The following EGFR variants were observed in gnomAD, a reference collection of about 807,000 sequenced individuals.
EGFR encodes the protein epidermal growth factor receptor.
EGFR carries 58 observed loss-of-function variants against 143.0 expected under a neutral mutation model. The ratio of observed to expected loss-of-function variants is 0.41; its 90% CI spans 0.33 to 0.50. The LOEUF is 0.50. EGFR is among the 20% of genes least tolerant of loss of function. The pLI, the probability that EGFR is intolerant of heterozygous loss-of-function variation, is 0.39. For synonymous variants in EGFR, 613 were observed against 594.4 expected (o/e 1.03, Z -0.45); for missense variants, 1,307 against 1,579.0 (o/e 0.83, Z 2.92).
intron 1 of EGFR, among the ~76,000 whole-genome samples, chr7:55,099,252 C>G (rs1791661523): frequency 6.6e-6 from 1 of 152,204 alleles, no homozygotes; most frequent in Non-Finnish European, 1.5e-5. Context: ...ACATCTCACT[C>G]AATTACACAG....
At chr7:55,139,067 C>T (rs1006708412) in intron 1 of EGFR, among the ~76,000 whole-genome samples, 2 of 152,212 alleles carry the variant, frequency 1.3e-5, no homozygotes, top group African/African-American at 4.8e-5. Flanking sequence ...TATAATACCT[C>T]TTAAAGTTTC....
At position 55,174,287 on chromosome 7, in the gene EGFR, A is replaced by T. The variant is rs1004986034; in HGVS notation, c.2184+244A>T. ...GGCATTTTTATGAAAGGGGCCATTG[A>T]CCTTGCCATGGGGTGCAGCACAGGG... is the stretch of plus-strand genomic sequence containing the variant. On this transcript the variant is annotated intron_variant, in intron 18 of 27. Coordinates refer to ENST00000275493, the MANE Select transcript of EGFR (RefSeq NM_005228.5). Among the ~76,000 whole-genome samples the T allele has an allele frequency of 2.0e-5, 3 of 152,206 alleles. No individual in the cohort carries two copies. In the East Asian group the frequency reaches 5.8e-4, roughly 29 times the overall value.
At chr7:55,152,207 T>G in intron 5 of EGFR, 2 of 451,394 alleles carry the variant, frequency 4.4e-6, no homozygotes, top group East Asian at 5.9e-5. Flanking sequence ...TTAAGCTGAA[T>G]TGTGGGGGGG....
intron 1 of EGFR, among the ~76,000 whole-genome samples, chr7:55,066,894 C>T (rs1789538307): frequency 6.6e-6 from 1 of 152,190 alleles, no homozygotes; most frequent in South Asian, 2.1e-4. Context: ...ATAGATATTC[C>T]AAAACGTAAA....
At chr7:55,143,107 G>A (rs773816032) in intron 2 of EGFR, among the ~76,000 whole-genome samples, 198 bp from the exon 3 acceptor site, 11 of 152,308 alleles carry the variant, frequency 7.2e-5, no homozygotes, top group Non-Finnish European at 1.0e-4. Context: ...AAAGGCTAAC[G>A]TGCAGGGATT....
chr7:55,035,511 A>G (rs755401585), intron 1 of EGFR, among the ~76,000 whole-genome samples: 1 of 40,574 alleles, frequency 2.5e-5, no homozygotes, highest in Non-Finnish European at 4.4e-5. Context: ...CGTCTTCACT[A>G]AAAAAAAAAA....
Position 55,143,432 on chromosome 7 carries a change from C to T in EGFR, c.368C>T (p.Ser123Phe), listed in dbSNP as rs1229095978. ...AATTCCTATGCCTTAGCAGTCTTATCTAACTATGATGCAAATAAAACCGGA... is the reference window on the plus strand; with the variant it reads ...AATTCCTATGCCTTAGCAGTCTTATTTAACTATGATGCAAATAAAACCGGA... ...YENSYALAVL[S>F]NYDANKTGLK... The change falls in exon 3 of 28, where the codon TCT (serine) becomes TTT (phenylalanine). Residue 123 changes from serine (S) to phenylalanine (F), a missense_variant. Physicochemically the swap from Ser to Phe is radical, Grantham distance 155 (BLOSUM62 -2). Transcript: ENST00000275493. 4.3e-6 allele frequency: 7 copies of T among 1,614,104 alleles called. No individual in the cohort carries two copies. The highest frequency in any genetic ancestry group is 5.9e-6 in the Non-Finnish European group (7 of 1,180,048).
chr7:55,133,901 A>G (rs748103768), intron 1 of EGFR, among the ~76,000 whole-genome samples: 9 of 152,186 alleles, frequency 5.9e-5, no homozygotes, highest in African/African-American at 1.9e-4. Context: ...TTCAGTTCAA[A>G]AGTATGCCTG....
At chr7:55,105,934 G>C (rs1458266213) in intron 1 of EGFR, among the ~76,000 whole-genome samples, 1 of 152,202 alleles carries the variant, frequency 6.6e-6, no homozygotes, top group East Asian at 1.9e-4. Flanking sequence ...AGATAACTCA[G>C]ATGTGGAGAA....
chr7:55,155,263 G>A (rs1318659328), intron 7 of EGFR, among the ~76,000 whole-genome samples: 2 of 152,196 alleles, frequency 1.3e-5, no homozygotes, highest in Non-Finnish European at 2.9e-5. Context: ...CCAACAGGGT[G>A]AAACCTCGTC....
In EGFR at chr7:55,160,184, G is replaced by T. The variant is rs763266323; in HGVS notation, c.1344G>T (p.Leu448Phe). The change falls in exon 12 of 28, where the codon TTG (leucine) becomes TTT (phenylalanine). Residue 448 changes from leucine to phenylalanine, a missense_variant. Physicochemically the swap from Leu to Phe is conservative, Grantham distance 22. This residue lies in a region of EGFR where 250 missense variants were observed against 295.1 expected (regional missense o/e 0.85). Transcript: ENST00000275493. ...TCGTCAGCCTGAACATAACATCCTT[G>T]GGATTACGCTCCCTCAAGGAGATAA... ...LAVVSLNITS[L>F]GLRSLKEISD... The T allele has an allele frequency of 6.2e-7, 1 of 1,614,126 alleles. No homozygotes were observed. The highest frequency in any genetic ancestry group is 8.5e-7 in the Non-Finnish European group (1 of 1,180,030).
At chr7:55,061,964 C>A (rs1789211230) in intron 1 of EGFR, among the ~76,000 whole-genome samples, 1 of 152,076 alleles carries the variant, frequency 6.6e-6, no homozygotes, top group Non-Finnish European at 1.5e-5. Context: ...TCGCTGGAGG[C>A]CAGAGTGGGG....
chr7:55,059,593 C>G (rs1789048147), intron 1 of EGFR, among the ~76,000 whole-genome samples: 1 of 152,052 alleles, frequency 6.6e-6, no homozygotes. Flanking sequence ...CGTCTCCTGG[C>G]CCTACAAGTC....
intron 1 of EGFR, among the ~76,000 whole-genome samples, chr7:55,092,741 C>A (rs902706833): frequency 6.6e-6 from 1 of 152,198 alleles, no homozygotes; most frequent in African/African-American, 2.4e-5. Context: ...TCCCTGTGCC[C>A]GGCTAATGAT....
chr7:55,129,073 T>C (rs1425186302), intron 1 of EGFR, among the ~76,000 whole-genome samples: 1 of 152,274 alleles, frequency 6.6e-6, no homozygotes. Flanking sequence ...GTTTGTGCTG[T>C]TCTCAGATGA....
intron 1 of EGFR, among the ~76,000 whole-genome samples, chr7:55,020,559 T>TACACACACAC (rs11568315): frequency 0.061 from 8,921 of 145,100 alleles, 281 homozygotes; most frequent in African/African-American, 0.072. Context: ...AAACCTGTCT[T>TACACACACAC]ACACACACAC....
At chr7:55,086,685 C>T (rs1790780370) in intron 1 of EGFR, among the ~76,000 whole-genome samples, 1 of 152,224 alleles carries the variant, frequency 6.6e-6, no homozygotes, top group Non-Finnish European at 1.5e-5. Flanking sequence ...TTAGGTCGCT[C>T]CCGCTGTGGA....
At chr7:55,086,248 G>T (rs1486240775) in intron 1 of EGFR, among the ~76,000 whole-genome samples, 1 of 152,198 alleles carries the variant, frequency 6.6e-6, no homozygotes, top group Non-Finnish European at 1.5e-5. Flanking sequence ...GCACCCCGGA[G>T]CCTTCATCCA....
intron 1 of EGFR, among the ~76,000 whole-genome samples, chr7:55,122,715 C>A (rs760764913): frequency 6.6e-6 from 1 of 152,216 alleles, no homozygotes; most frequent in Non-Finnish European, 1.5e-5. Context: ...GCATCAGATC[C>A]TCTGGGACAC....
Sources: allele counts gnomAD v4.1 joint callset (sites outside exome capture counted in the v4.1 genomes callset), GRCh38; gene constraint gnomAD v4.1.1; regional missense constraint gnomAD v4.1.1; transcripts MANE v1.5; gene names NCBI Gene and HGNC (gene_info 2026-07-23, HGNC 2026-07-21).